The following SLC3A1 variants were observed in gnomAD, a reference collection of about 807,000 sequenced individuals.
The protein encoded by SLC3A1 is amino acid transporter heavy chain SLC3A1.
Under a neutral mutation model 60.3 loss-of-function variants are expected in SLC3A1, and 78 were observed. The ratio of observed to expected loss-of-function variants is 1.29; its 90% CI spans 1.08 to 1.56. The LOEUF is 1.56. SLC3A1 is among the 40% of genes most tolerant of loss of function. SLC3A1 has a pLI of 0.00. For synonymous variants in SLC3A1, 392 were observed against 307.9 expected (o/e 1.27, Z -2.86); for missense variants, 1,172 against 858.9 (o/e 1.36, Z -4.56).
chr2:44,303,070 G>A (rs1232083294), intron 6 of SLC3A1, among the ~76,000 whole-genome samples: 4 of 151,538 alleles, frequency 2.6e-5, no homozygotes, highest in South Asian at 2.1e-4. Flanking sequence ...GCGTGGTGGC[G>A]GGTGCCTGTA....
intron 2 of SLC3A1, among the ~76,000 whole-genome samples, chr2:44,281,120 C>G (rs549760155): frequency 6.9e-6 from 1 of 145,634 alleles, no homozygotes; most frequent in African/African-American, 2.6e-5. Context: ...TCCCTATCTC[C>G]TTTCTTCCCC....
chr2:44,313,552 G>A (rs951026179), intron 8 of SLC3A1, among the ~76,000 whole-genome samples: 1 of 152,274 alleles, frequency 6.6e-6, no homozygotes, highest in South Asian at 2.1e-4. Flanking sequence ...TTGAAATCCT[G>A]TATTATTGAT....
At chr2:44,318,093 CTGTTT>C (rs754829083) in intron 9 of SLC3A1, 56 of 394,782 alleles carry the variant, frequency 1.4e-4, no homozygotes, top group African/African-American at 9.9e-4. Context: ...GATCTCAACA[CTGTTT>C]TTTTTTTTTT....
At chr2:44,321,587 C>T (rs1672951625), downstream of SLC3A1, 2 of 1,490,100 alleles carry the variant, frequency 1.3e-6, no homozygotes, top group Non-Finnish European at 1.8e-6. Flanking sequence ...GAGAGAGAGG[C>T]AGAAGGCTTC....
At chr2:44,298,774 G>A (rs1485541993) in intron 4 of SLC3A1, among the ~76,000 whole-genome samples, 1 of 152,194 alleles carries the variant, frequency 6.6e-6, no homozygotes, top group Non-Finnish European at 1.5e-5. Context: ...GCTCTCAGGA[G>A]CAGGTGAGGC....
chr2:44,309,153 TCA>T (rs968354627), intron 7 of SLC3A1, among the ~76,000 whole-genome samples: 4 of 152,246 alleles, frequency 2.6e-5, no homozygotes, highest in African/African-American at 9.6e-5. Context: ...ATCACCATTA[TCA>T]GTTTCTAGAA....
At chr2:44,310,031 C>A (rs1378399554) in intron 7 of SLC3A1, among the ~76,000 whole-genome samples, 2 of 152,098 alleles carry the variant, frequency 1.3e-5, no homozygotes, top group Non-Finnish European at 2.9e-5. Context: ...GTAGCTGGGA[C>A]TATAGGTGCA....
chr2:44,301,542 C>A, intron 6 of SLC3A1: 1 of 315,236 alleles, frequency 3.2e-6, no homozygotes, highest in Non-Finnish European at 6.1e-6. Flanking sequence ...AGTTTGAGAC[C>A]AGCCTGGCCA....
At chr2:44,285,579 T>C in intron 3 of SLC3A1, 1 of 435,884 alleles carries the variant, frequency 2.3e-6, no homozygotes, top group Non-Finnish European at 4.7e-6. Context: ...AAGTGAAGGA[T>C]TCTAATAATT....
At chr2:44,312,839 A>T in intron 8 of SLC3A1, 86 bp downstream of exon 8, 1 of 1,064,150 alleles carries the variant, frequency 9.4e-7, no homozygotes, top group Non-Finnish European at 1.4e-6. Flanking sequence ...AGAACTTACT[A>T]TCTCTCTATT....
chr2:44,316,721 C>G lies in SLC3A1; in HGVS notation c.1617+2770C>G, dbSNP rs1297867852. Among the ~76,000 whole-genome samples, 3 of 152,196 alleles carry G rather than the reference C, an allele frequency of 2.0e-5. No homozygotes were observed. In the East Asian group the frequency reaches 5.8e-4, roughly 29 times the overall value. ...AGAATTGGACTAGCATCAGACTTCTCAATTGGATACTACACCACATTAGAA... is the reference window on the plus strand; with the variant it reads ...AGAATTGGACTAGCATCAGACTTCTGAATTGGATACTACACCACATTAGAA... On this transcript the variant is annotated intron_variant, in intron 9 of 9. Coordinates refer to ENST00000260649, the MANE Select transcript of SLC3A1 (RefSeq NM_000341.4).
Position 44,304,339 on chromosome 2 carries a change from G to C in SLC3A1, c.1332+1G>C. ...AGAAGGAAAATGGCCTAACTGGATG[G>C]TAAGTCCTCATGACAGCAGAGTACA... is the stretch of plus-strand genomic sequence containing the variant. On this transcript the variant is annotated splice_donor_variant, in intron 7 of 9. Transcript: ENST00000260649. LOFTEE classifies it high-confidence loss of function. The C allele has an allele frequency of 1.2e-6, 2 of 1,611,534 alleles. No homozygotes were observed. The highest frequency in any genetic ancestry group is 1.7e-6 in the Non-Finnish European group (2 of 1,177,606).
rs750627014 is a variant in SLC3A1 at position 44,321,370 on chromosome 2, ATTTC to A, written c.*734_*737del. 2 of 1,607,492 alleles carry A rather than the reference ATTTC, an allele frequency of 1.2e-6. No individual in the cohort carries two copies. Among genetic ancestry groups the A allele is most frequent in the Non-Finnish European group, 1.7e-6 (2 of 1,174,436 alleles). ...AATGCAGTGTTTCAGAATTTCAGGTATTTCTTAAGATCCTCGAAAACACTGGTGC... is the reference window on the plus strand; with the variant it reads ...AATGCAGTGTTTCAGAATTTCAGGTATTAAGATCCTCGAAAACACTGGTGC... On this transcript the variant is annotated 3_prime_UTR_variant, in exon 10 of 10. Transcript: ENST00000260649.
rs200645659 is a variant in SLC3A1 at position 44,293,525 on chromosome 2, A to G, written c.892-6446A>G. On this transcript the variant is annotated intron_variant, in intron 4 of 9. Transcript: ENST00000260649. ...GAGCAAGACACCGTTTTAGGGGGGA[A>G]AAAAAAAAGATATAAGGACACGGAG... Among the ~76,000 whole-genome samples the G allele has an allele frequency of 4.6e-4, 68 of 149,100 alleles. 2 individuals carry two copies. In the East Asian group the frequency reaches 0.012, roughly 26 times the overall value.
In SLC3A1 at chr2:44,315,595, G is replaced by C. The variant is rs545200417; in HGVS notation, c.1617+1644G>C. 2.6e-3 allele frequency among the ~76,000 whole-genome samples: 360 copies of C among 137,978 alleles called. 2 individuals carry two copies. Among genetic ancestry groups the C allele is most frequent in the African/African-American group, 9.2e-3 (342 of 36,978 alleles). The allele number at this position is 137,978 out of a possible 152,430, so 90.5% of individuals were successfully genotyped here. ...AGGCTGAGCCCAAGAGATCAAGGTT[G>C]CAGTGAGTTGTGATTACCCCAATGC... On this transcript the variant is annotated intron_variant, in intron 9 of 9. Coordinates refer to ENST00000260649, the MANE Select transcript of SLC3A1 (RefSeq NM_000341.4).
Position 44,281,556 on chromosome 2 carries a change from G to C in SLC3A1, c.765+15G>C. ...CCAACAACTGGGTAAGTATCAACCTGTCTGACTTACAAAGGGGTAAAAGGC... is the reference window on the plus strand; with the variant it reads ...CCAACAACTGGGTAAGTATCAACCTCTCTGACTTACAAAGGGGTAAAAGGC... On this transcript the variant is annotated intron_variant, in intron 3 of 9. Transcript: ENST00000260649. 6.2e-7 allele frequency: 1 copy of C among 1,613,414 alleles called. No individual in the cohort carries two copies. The highest frequency in any genetic ancestry group is 8.5e-7 in the Non-Finnish European group (1 of 1,179,406).
chr2:44,285,875 G>T, intron 3 of SLC3A1, 157 bp from the exon 4 acceptor site: 1 of 884,486 alleles, frequency 1.1e-6, no homozygotes. Context: ...GGGGTGGGGG[G>T]TATTTGGAAG....
At chr2:44,301,603 G>A (rs1424068532) in intron 6 of SLC3A1, among the ~76,000 whole-genome samples, 2 of 151,904 alleles carry the variant, frequency 1.3e-5, no homozygotes, top group Admixed American at 1.3e-4. Context: ...GCTGGGTGTG[G>A]TGGTGGGTGC....
At chr2:44,278,295 A>C (rs1014052363) in intron 1 of SLC3A1, among the ~76,000 whole-genome samples, 9 of 151,750 alleles carry the variant, frequency 5.9e-5, no homozygotes, top group African/African-American at 2.2e-4. Context: ...AAATACAAAA[A>C]AAATCAGCTG....
Sources: allele counts gnomAD v4.1 joint callset (sites outside exome capture counted in the v4.1 genomes callset), GRCh38; gene constraint gnomAD v4.1.1; transcripts MANE v1.5; gene names NCBI Gene and HGNC (gene_info 2026-07-23, HGNC 2026-07-21).